Variants in PALLD observed in about 807,000 individuals in gnomAD.
PALLD encodes palladin.
A neutral mutation model predicts 123.5 loss-of-function variants in PALLD; 61 were observed. The observed-to-expected ratio is 0.49, with a 90% CI of 0.40 to 0.61. The LOEUF (loss-of-function observed/expected upper bound fraction) is 0.61, where lower values mean the gene tolerates loss of function less well. PALLD is among the 20% of genes least tolerant of loss of function. The pLI is 0.00. For synonymous variants in PALLD, 465 were observed against 496.4 expected, an observed-to-expected ratio of 0.94 and a Z score of 0.84; for missense variants, 1,273 against 1,377.0, an observed-to-expected ratio of 0.92 and a Z score of 1.20.
intron 9 of PALLD, 50 bp downstream of exon 9, chr4:168,709,197 G>A (rs757051465): frequency 1.0e-5 from 16 of 1,602,386 alleles, no homozygotes; most frequent in Non-Finnish European, 1.3e-5. Context: ...CAGCACCAGT[G>A]TGGATGGCCA....
intron 8 of PALLD, among the ~76,000 whole-genome samples, chr4:168,695,596 G>A (rs1783060091): frequency 6.6e-6 from 1 of 152,126 alleles, no homozygotes; most frequent in South Asian, 2.1e-4. Context: ...TGATGAGTGT[G>A]TGATAAAAAG....
At chr4:168,719,302 G>A (rs1295416347) in intron 10 of PALLD, among the ~76,000 whole-genome samples, 5 of 122,116 alleles carry the variant, frequency 4.1e-5, no homozygotes, top group African/African-American at 1.6e-4. Flanking sequence ...CTGTCACCCA[G>A]GCTGGAGTGC....
chr4:168,587,715 A>G (rs1367122570), intron 2 of PALLD, among the ~76,000 whole-genome samples: 1 of 152,104 alleles, frequency 6.6e-6, no homozygotes, highest in Non-Finnish European at 1.5e-5. Flanking sequence ...TACTAAGACT[A>G]AGGATTTCAC....
At chr4:168,893,801 A>G (rs1180096959) in intron 11 of PALLD, among the ~76,000 whole-genome samples, 2 of 152,222 alleles carry the variant, frequency 1.3e-5, no homozygotes, top group Non-Finnish European at 2.9e-5. Flanking sequence ...GGCCAATTCC[A>G]AAGTGCTAGC....
chr4:168,508,292 A>C (rs1762203128), intron 1 of PALLD, among the ~76,000 whole-genome samples: 1 of 152,228 alleles, frequency 6.6e-6, no homozygotes, highest in Admixed American at 6.5e-5. Flanking sequence ...AAAATAAAAT[A>C]CAATTTAAAA....
chr4:168,882,256 C>A (rs1324488569), intron 10 of PALLD, among the ~76,000 whole-genome samples: 3 of 152,158 alleles, frequency 2.0e-5, no homozygotes, highest in Admixed American at 2.0e-4. Context: ...GGTGGGGACA[C>A]TATCATCGTT....
chr4:168,732,690 A>G (rs1160991378), intron 10 of PALLD, among the ~76,000 whole-genome samples: 2 of 152,206 alleles, frequency 1.3e-5, no homozygotes, highest in Non-Finnish European at 2.9e-5. Context: ...TCTCGACGTA[A>G]TTCAGTTCTT....
At chr4:168,686,282 C>T (rs1035809242) in intron 6 of PALLD, among the ~76,000 whole-genome samples, 10 of 151,998 alleles carry the variant, frequency 6.6e-5, no homozygotes, top group Admixed American at 1.3e-4. Context: ...TAGGTATACA[C>T]GTGCCATGGT....
chr4:168,725,076 T>A (rs77968408), intron 10 of PALLD, among the ~76,000 whole-genome samples: 1 of 152,188 alleles, frequency 6.6e-6, no homozygotes, highest in African/African-American at 2.4e-5. Flanking sequence ...CCACAATAGG[T>A]AGCATTTGAG....
At chr4:168,753,095 G>A (rs1731284352) in intron 10 of PALLD, among the ~76,000 whole-genome samples, 1 of 152,138 alleles carries the variant, frequency 6.6e-6, no homozygotes, top group African/African-American at 2.4e-5. Context: ...TTGACATTAT[G>A]AAAACTCTCA....
chr4:168,731,747 C>T (rs1787191329), intron 10 of PALLD, among the ~76,000 whole-genome samples: 1 of 152,196 alleles, frequency 6.6e-6, no homozygotes, highest in Non-Finnish European at 1.5e-5. Context: ...AGAAAAATCA[C>T]TGACCAATTA....
At chr4:168,759,709 G>C (rs1732552328) in intron 10 of PALLD, among the ~76,000 whole-genome samples, 1 of 152,112 alleles carries the variant, frequency 6.6e-6, no homozygotes, top group Admixed American at 6.5e-5. Flanking sequence ...TTCTAATCCT[G>C]TGCAGGTCCA....
intron 12 of PALLD, among the ~76,000 whole-genome samples, chr4:168,895,813 A>G (rs1755001498): frequency 6.6e-6 from 1 of 152,234 alleles, no homozygotes; most frequent in Non-Finnish European, 1.5e-5. Flanking sequence ...AATAGAAAAT[A>G]TTATCTCTTT....
intron 2 of PALLD, among the ~76,000 whole-genome samples, chr4:168,653,921 C>T (rs1024258775): frequency 3.3e-5 from 5 of 151,928 alleles, no homozygotes; most frequent in African/African-American, 9.7e-5. Context: ...AGGATGGTCT[C>T]GATCTCCTGA....
intron 15 of PALLD, among the ~76,000 whole-genome samples, chr4:168,906,944 T>C (rs1001771406): frequency 6.6e-6 from 1 of 152,162 alleles, no homozygotes; most frequent in Admixed American, 6.5e-5. Flanking sequence ...GCAACACCGA[T>C]GATACTGAAA....
chr4:168,571,208 T>G (rs10007192), intron 2 of PALLD, among the ~76,000 whole-genome samples: 82,370 of 151,904 alleles, frequency 0.54, 22,651 homozygotes, highest in East Asian at 0.78. Flanking sequence ...TCTTCCCTCT[T>G]TTCCTTCTGC....
At chr4:168,839,879 C>T (rs932210166) in intron 10 of PALLD, among the ~76,000 whole-genome samples, 4 of 152,062 alleles carry the variant, frequency 2.6e-5, no homozygotes, top group Admixed American at 1.3e-4. Context: ...TTGGGCTCTC[C>T]GTGTTTCAAG....
intron 8 of PALLD, among the ~76,000 whole-genome samples, chr4:168,693,021 G>T (rs963787733): frequency 6.6e-6 from 1 of 152,196 alleles, no homozygotes; most frequent in Non-Finnish European, 1.5e-5. Flanking sequence ...TTTGGATGAG[G>T]AGGGAGGAAG....
intron 10 of PALLD, among the ~76,000 whole-genome samples, chr4:168,845,063 AG>A (rs35109313): frequency 0.94 from 142,372 of 151,936 alleles, 66,796 homozygotes; most frequent in East Asian, 1. Flanking sequence ...GAGAAGCTGG[AG>A]GGGGGAGGGC....
Sources: gnomAD v4.1 joint callset for allele counts (sites outside exome capture counted in the v4.1 genomes callset) on GRCh38, gnomAD v4.1.1 for gene constraint, MANE v1.5 for transcripts, NCBI Gene and HGNC (gene_info 2026-07-23, HGNC 2026-07-21) for gene names.